The following SLC5A10 variants were observed in gnomAD, a reference collection of about 807,000 sequenced individuals.
SLC5A10 encodes sodium/mannose cotransporter SLC5A10.
SLC5A10 carries 55 observed loss-of-function variants against 68.9 expected under a neutral mutation model. The observed-to-expected ratio is 0.80, with a 90% CI of 0.64 to 1.00. The LOEUF (loss-of-function observed/expected upper bound fraction) is 1.00, where lower values mean the gene tolerates loss of function less well. Ranked by LOEUF, SLC5A10 falls within the 50% of genes least tolerant of loss-of-function variation. The pLI is 0.00. For missense variants in SLC5A10, 732 were observed against 819.3 expected (o/e 0.89, Z 1.30); for synonymous variants, 344 against 344.8 (o/e 1.00, Z 0.02).
chr17:18,970,513 TCTCC>T, intron 7 of SLC5A10: 1 of 173,600 alleles, frequency 5.8e-6, no homozygotes, highest in South Asian at 1.3e-4. Context: ...TCTGGACCTG[TCTCC>T]CTCTTCTCTG....
chr17:18,971,684 C>T lies in SLC5A10; in HGVS notation c.846+466C>T, dbSNP rs897918557. 1.2e-6 allele frequency: 2 copies of T among 1,608,836 alleles called. No individual in the cohort carries two copies. Among genetic ancestry groups the T allele is most frequent in the African/African-American group, 1.3e-5 (1 of 74,786 alleles). On this transcript the variant is annotated intron_variant, in intron 8 of 14. Transcript: ENST00000395645. This position sits in a 1 kb window ranked among gnomAD's most constrained non-coding sequence, Gnocchi z 5.5. ...AGCAGCAGAGCGGTACCTAGGGGGT[C>T]CTGGGAAGCCGTCTTTATCCCTAGT...
chr17:18,988,485 G>C (rs896392887), intron 9 of SLC5A10: 13 of 1,580,248 alleles, frequency 8.2e-6, no homozygotes, highest in Non-Finnish European at 1.1e-5. Flanking sequence ...CTGGCAGAGC[G>C]CACAGCCCTC....
chr17:18,957,492 C>A (rs150741314), intron 1 of SLC5A10, among the ~76,000 whole-genome samples: 1 of 152,054 alleles, frequency 6.6e-6, no homozygotes. Flanking sequence ...TATTTTGAGA[C>A]GGAGCCTTGC....
chr17:18,989,226 G>A (rs1002332666), intron 9 of SLC5A10, among the ~76,000 whole-genome samples: 6 of 151,496 alleles, frequency 4.0e-5, no homozygotes, highest in Non-Finnish European at 5.9e-5. Context: ...GGACCACCTG[G>A]AGAAGAGGCC....
At chr17:18,977,521 G>C in intron 9 of SLC5A10, 5 of 1,494,314 alleles carry the variant, frequency 3.3e-6, no homozygotes, top group Non-Finnish European at 4.5e-6. Context: ...ACAACAGCTC[G>C]AGCTCTTGGG....
At position 18,968,180 on chromosome 17, in the gene SLC5A10, C is replaced by T. The variant is rs902129190; in HGVS notation, c.454-872C>T. Among the ~76,000 whole-genome samples the T allele has an allele frequency of 6.6e-6, 1 of 152,192 alleles. No individual in the cohort carries two copies. Among genetic ancestry groups the T allele is most frequent in the Non-Finnish European group, 1.5e-5 (1 of 68,028 alleles). On this transcript the variant is annotated intron_variant, in intron 5 of 14. Transcript: ENST00000395645. The surrounding 1 kb of genome is among the most constrained non-coding windows in gnomAD (Gnocchi z 4.1). ...TGGGCCTCGTGCAGATGTGTCCCCA[C>T]ACTAGGAAGCACAGGGCCCCAGCCT...
rs1270620262 is a variant in SLC5A10, at chr17:19,015,108, A to G, written c.1150A>G (p.Ile384Val). The change falls in exon 11 of 15, where the codon ATC becomes GTC. Residue 384 changes from isoleucine to valine, a missense_variant. Coordinates refer to ENST00000395645, the MANE Select transcript of SLC5A10 (RefSeq NM_001042450.4). ...GGCGCTCATGTCGTCGCTGACCTCC[A>G]TCTTCAACAGCAGCAGCACCCTCTT... ...LAALMSSLTSIFNSSSTLFTM... is the reference protein window; with the variant it reads ...LAALMSSLTSVFNSSSTLFTM... 1.2e-6 allele frequency: 2 copies of G among 1,608,646 alleles called. No individual in the cohort carries two copies. The highest frequency in any genetic ancestry group is 1.7e-6 in the Non-Finnish European group (2 of 1,176,420).
At chr17:18,952,384 G>T (rs1450300617) in intron 1 of SLC5A10, 68 bp downstream of exon 1, 1 of 1,528,716 alleles carries the variant, frequency 6.5e-7, no homozygotes, top group Non-Finnish European at 8.9e-7. Flanking sequence ...GGGAACCGGG[G>T]TCCAGCATGT....
chr17:18,966,772 C>G (rs1216114989), intron 5 of SLC5A10, among the ~76,000 whole-genome samples: 1 of 141,936 alleles, frequency 7.0e-6, no homozygotes, highest in East Asian at 2.1e-4. Flanking sequence ...AAAAACAACA[C>G]TCTGCGGTTG....
chr17:18,970,830 A>G, intron 7 of SLC5A10, 183 bp from the exon 8 acceptor site: 1 of 600,600 alleles, frequency 1.7e-6, no homozygotes, highest in South Asian at 2.0e-5. Context: ...TCATTCAAAT[A>G]CACCTTAAAA....
intron 1 of SLC5A10, chr17:18,953,460 C>T (rs1295521965): frequency 1.3e-5 from 2 of 152,666 alleles, no homozygotes; most frequent in African/African-American, 4.8e-5. Context: ...TCCATAACCC[C>T]TGGCCTAAGC....
chr17:18,993,067 G>A (rs886283), intron 9 of SLC5A10, among the ~76,000 whole-genome samples: 29,670 of 152,170 alleles, frequency 0.19, 3,618 homozygotes, highest in South Asian at 0.35. Flanking sequence ...GGGGTGGGGC[G>A]AGACGGGCTG....
rs779904282 is a variant in SLC5A10 at position 19,005,412 on chromosome 17, G to C, written c.983-7998G>C. Among the ~76,000 whole-genome samples the C allele has an allele frequency of 3.3e-5, 5 of 152,166 alleles. 1 individual carries two copies. The highest frequency in any genetic ancestry group is 5.9e-5 in the Non-Finnish European group (4 of 68,020). On this transcript the variant is annotated intron_variant, in intron 9 of 14. Transcript: ENST00000395645. ...CTGGGGTTGGGACCCTGGTTATGGG[G>C]AGCGTGGAGACCACATCTGAAGGCA...
At chr17:18,960,695 C>G (rs752828175) in intron 5 of SLC5A10, 43 bp downstream of exon 5, 56 of 1,574,620 alleles carry the variant, frequency 3.6e-5, no homozygotes, top group Non-Finnish European at 4.7e-5. Context: ...CTGGAAACAT[C>G]GCCAATCTGT....
chr17:18,960,717 G>C (rs929287433), intron 5 of SLC5A10, 65 bp downstream of exon 5: 66 of 1,444,190 alleles, frequency 4.6e-5, no homozygotes, highest in Non-Finnish European at 6.1e-5. Flanking sequence ...GGCCCCTCAA[G>C]AGGACCTGAC....
At chr17:18,989,662 G>A (rs557842437) in intron 9 of SLC5A10, among the ~76,000 whole-genome samples, 2 of 152,202 alleles carry the variant, frequency 1.3e-5, no homozygotes, top group African/African-American at 2.4e-5. Context: ...GGGCTGGGGC[G>A]GGGGCTCGGT....
chr17:18,962,053 T>C (rs2042623316), intron 5 of SLC5A10, among the ~76,000 whole-genome samples: 1 of 152,152 alleles, frequency 6.6e-6, no homozygotes, highest in Admixed American at 6.5e-5. Flanking sequence ...AGCTTTCCAC[T>C]CATACTCTTC....
At chr17:18,967,226 T>C (rs931940600) in intron 5 of SLC5A10, among the ~76,000 whole-genome samples, 3 of 152,148 alleles carry the variant, frequency 2.0e-5, no homozygotes, top group Admixed American at 1.3e-4. Context: ...CTGGATGCCA[T>C]GTAGTGTCCA....
Position 19,004,264 on chromosome 17 carries a change from G to T in SLC5A10, c.983-9146G>T. ...GGGGCCGGGAACTCAGGTGGGCGTG[G>T]GAAGGACGGGGCTGGGGCTGGGGCT... On this transcript the variant is annotated intron_variant, in intron 9 of 14. Coordinates refer to ENST00000395645, the MANE Select transcript of SLC5A10 (RefSeq NM_001042450.4). This position sits in a 1 kb window ranked among gnomAD's most constrained non-coding sequence, Gnocchi z 5.4. 1.9e-6 allele frequency: 1 copy of T among 532,856 alleles called. No individual in the cohort carries two copies. The highest frequency in any genetic ancestry group is 2.3e-5 in the South Asian group (1 of 42,930). 33.0% of individuals were successfully genotyped at this position (532,856 alleles called of 1,614,324 possible).
Sources: gnomAD v4.1 joint callset for allele counts (sites outside exome capture counted in the v4.1 genomes callset) on GRCh38, gnomAD v4.1.1 for gene constraint, Gnocchi (gnomAD v3.1) non-coding constraint, MANE v1.5 for transcripts, NCBI Gene and HGNC (gene_info 2026-07-23, HGNC 2026-07-21) for gene names.